The following BCO1 variants were observed in gnomAD, a reference collection of about 807,000 sequenced individuals.
BCO1 encodes the protein beta,beta-carotene 15,15'-dioxygenase.
BCO1 carries 54 observed loss-of-function variants against 56.3 expected under a neutral mutation model. That is an observed-to-expected ratio of 0.96 (90% CI 0.77 to 1.20). The LOEUF is 1.20. Ranked by LOEUF, BCO1 falls within the 50% of genes most tolerant of loss-of-function variation. The pLI is 0.00. For missense variants in BCO1, 801 were observed against 690.9 expected, an observed-to-expected ratio of 1.16 and a Z score of -1.79; for synonymous variants, 318 against 266.1, an observed-to-expected ratio of 1.20 and a Z score of -1.90.
intron 8 of BCO1, 102 bp from the exon 9 acceptor site, chr16:81,285,438 T>C: frequency 1.2e-6 from 1 of 866,852 alleles, no homozygotes. Context: ...GATCTTGGTG[T>C]GGAAACGGAT....
chr16:81,278,918 A>C (rs1362918390), intron 7 of BCO1, among the ~76,000 whole-genome samples: 1 of 152,220 alleles, frequency 6.6e-6, no homozygotes, highest in African/African-American at 2.4e-5. Flanking sequence ...GCTAAGTTGC[A>C]GTAAACTTTT....
intron 10 of BCO1, among the ~76,000 whole-genome samples, chr16:81,289,157 G>A (rs1230138208): frequency 6.6e-6 from 1 of 152,138 alleles, no homozygotes; most frequent in Non-Finnish European, 1.5e-5. Context: ...TGACCTCAAC[G>A]ATGCTCAACT....
In BCO1 at chr16:81,245,118, C is replaced by A. The variant is rs139100632; in HGVS notation, c.65-357C>A. On this transcript the variant is annotated intron_variant, in intron 1 of 10. Coordinates refer to ENST00000258168, the MANE Select transcript of BCO1 (RefSeq NM_017429.3). Reference sequence around the variant, plus strand: ...TGTTGGCCAGGCTGGTCTTGAACTCCTGACCTCAGGTGATCCACCCACCTA... The same window carrying A: ...TGTTGGCCAGGCTGGTCTTGAACTCATGACCTCAGGTGATCCACCCACCTA... Among the ~76,000 whole-genome samples the A allele has an allele frequency of 2.4e-3, 363 of 152,300 alleles. 11 individuals are homozygous for A. The East Asian group carries it at 0.058, about 24-fold the overall frequency.
At chr16:81,272,321 T>C (rs926363668) in intron 7 of BCO1, among the ~76,000 whole-genome samples, 1 of 151,760 alleles carries the variant, frequency 6.6e-6, no homozygotes, top group Non-Finnish European at 1.5e-5. Context: ...GGTTTCACCG[T>C]GTTAGCCAGG....
intron 4 of BCO1, chr16:81,262,907 G>T (rs1906584852): frequency 6.4e-6 from 1 of 156,718 alleles, no homozygotes; most frequent in Non-Finnish European, 1.4e-5. Flanking sequence ...AGTTCTGGAG[G>T]TTAAAAGTCT....
intron 6 of BCO1, among the ~76,000 whole-genome samples, chr16:81,268,363 G>A (rs1431238312): frequency 6.6e-6 from 1 of 152,166 alleles, no homozygotes; most frequent in African/African-American, 2.4e-5. Context: ...CCAGGCAAGG[G>A]GGTGCCATCT....
chr16:81,270,383 C>G lies in BCO1; in HGVS notation c.1068C>G (p.Leu356=). 2 of 1,614,148 alleles carry G rather than the reference C, an allele frequency of 1.2e-6. No homozygotes were observed. Among genetic ancestry groups the G allele is most frequent in the South Asian group, 2.2e-5 (2 of 91,064 alleles). Residue 356 remains leucine (L), a synonymous_variant, in exon 7 of 11, where the codon CTC becomes CTG. Coordinates refer to ENST00000258168, the MANE Select transcript of BCO1 (RefSeq NM_017429.3). The stretch of plus-strand genomic sequence containing the variant: ...CCAGGCTCACCTCGGTCCCCACCCT[C>G]AGGAGGTTTGCCGTGCCCCTCCACG... ...ENSRLTSVPT[L]RRFAVPLHVD...
rs551633860 is a variant in BCO1, at chr16:81,245,016, G to T, written c.65-459G>T. 2.6e-3 allele frequency among the ~76,000 whole-genome samples: 398 copies of T among 152,140 alleles called. 3 individuals carry two copies. The highest frequency in any genetic ancestry group is 9.2e-3 in the African/African-American group (384 of 41,514). On this transcript the variant is annotated intron_variant, in intron 1 of 10. Transcript: ENST00000258168. Reference sequence around the variant, plus strand: ...AGTGATTCTCCTGCCTCAGCCTCCCGAGTAGCTGGGATTACAGGCGCTCAC... The same window carrying T: ...AGTGATTCTCCTGCCTCAGCCTCCCTAGTAGCTGGGATTACAGGCGCTCAC...
At chr16:81,264,826 C>T (rs752757562) in intron 5 of BCO1, 39 bp downstream of exon 5, 14 of 1,610,320 alleles carry the variant, frequency 8.7e-6, no homozygotes, top group Non-Finnish European at 1.2e-5. Flanking sequence ...CACAAACAAC[C>T]AAGTGTGGCT....
At chr16:81,267,268 C>G (rs1906885443) in intron 5 of BCO1, among the ~76,000 whole-genome samples, 1 of 152,134 alleles carries the variant, frequency 6.6e-6, no homozygotes, top group Non-Finnish European at 1.5e-5. Context: ...AGTTTCCCAT[C>G]TATAAAATGG....
At chr16:81,253,735 G>A (rs750785901) in intron 2 of BCO1, among the ~76,000 whole-genome samples, 38 of 152,134 alleles carry the variant, frequency 2.5e-4, no homozygotes, top group Admixed American at 4.6e-4. Context: ...ATGCCAAGGC[G>A]GGAGGATCGC....
chr16:81,245,445 CG>C (rs1567697784), intron 1 of BCO1, 29 bp from the exon 2 acceptor site: 1 of 1,614,144 alleles, frequency 6.2e-7, no homozygotes, highest in South Asian at 1.1e-5. Flanking sequence ...CAGGTGGAAA[CG>C]GGAAACTAAA....
chr16:81,283,752 C>A (rs1908011700), intron 8 of BCO1, among the ~76,000 whole-genome samples: 1 of 152,118 alleles, frequency 6.6e-6, no homozygotes, highest in African/African-American at 2.4e-5. Flanking sequence ...ATGGATGTAT[C>A]TCTGCTTCCT....
rs773618146 is a variant in BCO1 at position 81,262,215 on chromosome 16, T to A, written c.403T>A (p.Phe135Ile). The change falls in exon 4 of 11, where the codon TTC (phenylalanine) becomes ATC (isoleucine). Residue 135 changes from phenylalanine (F) to isoleucine (I), a missense_variant. Coordinates refer to ENST00000258168, the MANE Select transcript of BCO1 (RefSeq NM_017429.3). The part of the protein sequence containing the change: ...LINIMKCGED[F>I]YATSETNYIR... ...CAACATCATGAAGTGCGGAGAAGAC[T>A]TCTACGCGACCTCAGAGACCAATTA... 3.7e-6 allele frequency: 6 copies of A among 1,613,714 alleles called. No homozygotes were observed. The Admixed American group carries it at 1.0e-4, about 27-fold the overall frequency.
chr16:81,286,930 C>G (rs1908215526), intron 9 of BCO1, among the ~76,000 whole-genome samples: 1 of 152,096 alleles, frequency 6.6e-6, no homozygotes, highest in South Asian at 2.1e-4. Flanking sequence ...AAAAAATCAG[C>G]CAGGTGTGGT....
chr16:81,245,620 G>C lies in BCO1; in HGVS notation c.193+17G>C. On this transcript the variant is annotated intron_variant, in intron 2 of 10. Transcript: ENST00000258168. Reference sequence around the variant, plus strand: ...TCAGAGACGGTGAGAACACCCACGAGTGTGCTGCCACTGCTGCAGCAAAGG... The same window carrying C: ...TCAGAGACGGTGAGAACACCCACGACTGTGCTGCCACTGCTGCAGCAAAGG... The C allele has an allele frequency of 3.7e-6, 6 of 1,614,066 alleles. 1 individual carries two copies. The South Asian group carries it at 5.5e-5, about 15-fold the overall frequency.
intron 4 of BCO1, 69 bp from the exon 5 acceptor site, chr16:81,264,571 G>A: frequency 6.4e-7 from 1 of 1,572,526 alleles, no homozygotes; most frequent in African/African-American, 1.3e-5. Context: ...TGAAAAACCA[G>A]ATGATGTCAT....
intron 1 of BCO1, among the ~76,000 whole-genome samples, chr16:81,241,762 G>C (rs1567695995): frequency 6.6e-6 from 1 of 152,202 alleles, no homozygotes; most frequent in East Asian, 1.9e-4. Context: ...CCAGGCCTGG[G>C]TTGAGCCTAA....
At chr16:81,245,908 G>A (rs2151926561) in intron 2 of BCO1, among the ~76,000 whole-genome samples, 1 of 128,314 alleles carries the variant, frequency 7.8e-6, no homozygotes, top group African/African-American at 2.8e-5. Flanking sequence ...TGTTGCCCAA[G>A]CTGGAGTGCA....
Sources: gnomAD v4.1 joint callset for allele counts (sites outside exome capture counted in the v4.1 genomes callset) on GRCh38, gnomAD v4.1.1 for gene constraint, MANE v1.5 for transcripts, NCBI Gene and HGNC (gene_info 2026-07-23, HGNC 2026-07-21) for gene names.